Variants in DNAI7 observed in about 807,000 individuals in gnomAD.
DNAI7 encodes dynein axonemal intermediate chain 7, also known as cancer susceptibility 1.
Under a neutral mutation model 86.6 loss-of-function variants are expected in DNAI7, and 78 were observed. That is an observed-to-expected ratio of 0.90 (90% CI 0.75 to 1.09). The LOEUF is 1.09. DNAI7 is among the 50% of genes least tolerant of loss of function. The pLI is 0.00. For synonymous variants in DNAI7, 274 were observed against 273.0 expected, an observed-to-expected ratio of 1.00 and a Z score of -0.04; for missense variants, 753 against 810.2, an observed-to-expected ratio of 0.93 and a Z score of 0.86.
intron 3 of DNAI7, 143 bp downstream of exon 3, chr12:25,160,970 T>C: frequency 1.7e-6 from 1 of 577,256 alleles, no homozygotes; most frequent in Admixed American, 3.0e-5. Flanking sequence ...TTCTGGATAC[T>C]TTCTAAAAGA....
rs756139918 is a variant in DNAI7 at position 25,155,404 on chromosome 12, T to C, written c.207A>G (p.Glu69=). 6.0e-5 allele frequency: 94 copies of C among 1,577,154 alleles called. No homozygotes were observed. Among genetic ancestry groups the C allele is most frequent in the Non-Finnish European group, 7.8e-5 (90 of 1,151,214 alleles). ...GTTCTTCAAGTTCTTCATTTCTCCT[T>C]TCTAGATCCTGTTGCACAAGGACAG... is the stretch of plus-strand genomic sequence containing the variant. The part of the protein sequence containing the change: ...KWHRLEAKDL[E]RRNEELEELY... The change falls in exon 5 of 16, where the codon GAA becomes GAG. Residue 69 remains glutamate (E), a synonymous_variant. Coordinates refer to ENST00000395987, the MANE Select transcript of DNAI7 (RefSeq NM_018272.5).
At chr12:25,190,845 T>C (rs1477952006) in intron 1 of DNAI7, among the ~76,000 whole-genome samples, 1 of 152,178 alleles carries the variant, frequency 6.6e-6, no homozygotes, top group Non-Finnish European at 1.5e-5. Context: ...CAAATAAGTA[T>C]AGAAAAACTA....
intron 2 of DNAI7, chr12:25,185,878 G>T: frequency 4.0e-6 from 1 of 250,596 alleles, no homozygotes; most frequent in Non-Finnish European, 6.3e-6. Flanking sequence ...GGGTAGTTGA[G>T]CATGATTTCA....
chr12:25,150,601 C>CAAAAAAAA (rs58511191), intron 6 of DNAI7, among the ~76,000 whole-genome samples: 3 of 89,008 alleles, frequency 3.4e-5, no homozygotes, highest in African/African-American at 4.7e-5. Context: ...GACTCTGTCT[C>CAAAAAAAA]AAAAAAAAAA....
chr12:25,184,875 G>A (rs1226019782), intron 2 of DNAI7, among the ~76,000 whole-genome samples: 1 of 151,060 alleles, frequency 6.6e-6, no homozygotes, highest in African/African-American at 2.4e-5. Flanking sequence ...ACTCATGCCT[G>A]CAATTCCAGC....
At chr12:25,147,476 A>C (rs1261527346) in intron 7 of DNAI7, among the ~76,000 whole-genome samples, 77 of 148,062 alleles carry the variant, frequency 5.2e-4, no homozygotes, top group East Asian at 1.0e-3. Flanking sequence ...ACATAATGAG[A>C]CCACCCCCAT....
intron 9 of DNAI7, among the ~76,000 whole-genome samples, chr12:25,127,830 C>T (rs1942362545): frequency 6.6e-6 from 1 of 152,040 alleles, no homozygotes; most frequent in Non-Finnish European, 1.5e-5. Flanking sequence ...AATATAGATT[C>T]CAGAAATAGA....
chr12:25,108,838 A>AAAAAAAAAAAAAAAAAAAAAC lies in DNAI7; in HGVS notation c.1894-16_1894-15insGTTTTTTTTTTTTTTTTTTTT. ...TGTTCCCTCACCTAAAAAAAAAAAAAATTCAAGCAAGTTGTTAATAATTCC... is the reference window on the plus strand; with the variant it reads ...TGTTCCCTCACCTAAAAAAAAAAAAAAAAAAAAAAAAAAAAAAAAACATTCAAGCAAGTTGTTAATAATTCC... On this transcript the variant is annotated splice_polypyrimidine_tract_variant and intron_variant, in intron 15 of 15. Coordinates refer to ENST00000395987, the MANE Select transcript of DNAI7 (RefSeq NM_018272.5). 1 of 1,116,152 alleles carries AAAAAAAAAAAAAAAAAAAAAC rather than the reference A, an allele frequency of 9.0e-7. No individual in the cohort carries two copies. The allele number at this position is 1,116,152 out of a possible 1,614,324, so 69.1% of individuals were successfully genotyped here.
chr12:25,165,928 T>C (rs1947410759), intron 2 of DNAI7, among the ~76,000 whole-genome samples: 1 of 152,136 alleles, frequency 6.6e-6, no homozygotes, highest in African/African-American at 2.4e-5. Flanking sequence ...TAAACTAAAT[T>C]ATCTGCTTCC....
intron 12 of DNAI7, among the ~76,000 whole-genome samples, chr12:25,116,332 T>C (rs954023527): frequency 4.6e-5 from 7 of 152,206 alleles, no homozygotes; most frequent in Non-Finnish European, 1.0e-4. Flanking sequence ...TAAAAAGTTA[T>C]TACCTATAAA....
intron 9 of DNAI7, among the ~76,000 whole-genome samples, chr12:25,126,536 A>T (rs1942158839): frequency 6.6e-6 from 1 of 152,124 alleles, no homozygotes; most frequent in Admixed American, 6.6e-5. Flanking sequence ...GAGGGACTGG[A>T]TATAAAAGTA....
intron 2 of DNAI7, among the ~76,000 whole-genome samples, chr12:25,174,384 TATGG>T (rs1452344822): frequency 2.6e-3 from 1 of 380 alleles, no homozygotes; most frequent in African/African-American, 2.9e-3. Context: ...ATATCATATA[TATGG>T]GATATATCAT....
chr12:25,150,836 C>G (rs1421172149), intron 6 of DNAI7, among the ~76,000 whole-genome samples: 2 of 151,934 alleles, frequency 1.3e-5, no homozygotes, highest in Non-Finnish European at 2.9e-5. Context: ...GAAAAAACAA[C>G]AAAATATAAC....
chr12:25,153,299 G>GTT (rs1945777050), intron 6 of DNAI7, among the ~76,000 whole-genome samples: 1 of 152,150 alleles, frequency 6.6e-6, no homozygotes, highest in African/African-American at 2.4e-5. Flanking sequence ...GCACATGACT[G>GTT]TAATTCCAGC....
chr12:25,129,730 T>A (rs548676047), intron 9 of DNAI7, among the ~76,000 whole-genome samples: 1 of 151,046 alleles, frequency 6.6e-6, no homozygotes. Flanking sequence ...AATCTGTTCA[T>A]TTGTTTTTAT....
At chr12:25,175,108 G>A (rs1250919921) in intron 2 of DNAI7, among the ~76,000 whole-genome samples, 1 of 151,798 alleles carries the variant, frequency 6.6e-6, no homozygotes, top group African/African-American at 2.4e-5. Context: ...AATAAGTTAT[G>A]AAAAAATAAA....
At chr12:25,112,590 T>C (rs1403430275) in intron 13 of DNAI7, among the ~76,000 whole-genome samples, 2 of 151,912 alleles carry the variant, frequency 1.3e-5, no homozygotes, top group African/African-American at 4.8e-5. Context: ...GTATTTTTAG[T>C]AGAGACAGGG....
chr12:25,135,731 C>A (rs1159561200), intron 9 of DNAI7, among the ~76,000 whole-genome samples: 1 of 152,008 alleles, frequency 6.6e-6, no homozygotes. Context: ...TCACTGCTGA[C>A]TTTCCCCCAC....
intron 9 of DNAI7, among the ~76,000 whole-genome samples, chr12:25,139,067 T>C (rs1393885791): frequency 1.3e-5 from 2 of 152,060 alleles, no homozygotes; most frequent in African/African-American, 2.4e-5. Flanking sequence ...CATTCAAGGC[T>C]ACTATGAACA....
Sources: allele counts gnomAD v4.1 joint callset (sites outside exome capture counted in the v4.1 genomes callset), GRCh38; gene constraint gnomAD v4.1.1; transcripts MANE v1.5; gene names NCBI Gene and HGNC (gene_info 2026-07-23, HGNC 2026-07-21).